The following TBC1D30 variants were observed in gnomAD, a reference collection of about 807,000 sequenced individuals.
The protein encoded by TBC1D30 is TBC1 domain family member 30.
A neutral mutation model predicts 63.2 loss-of-function variants in TBC1D30; 31 were observed. That is an observed-to-expected ratio of 0.49 (90% CI 0.37 to 0.66). The LOEUF (loss-of-function observed/expected upper bound fraction) is 0.66, where lower values mean the gene tolerates loss of function less well. Ranked by LOEUF, TBC1D30 falls within the 30% of genes least tolerant of loss-of-function variation. The pLI, the probability that TBC1D30 is intolerant of heterozygous loss-of-function variation, is 0.00. For missense variants in TBC1D30, 810 were observed against 953.6 expected, an observed-to-expected ratio of 0.85 and a Z score of 1.98; for synonymous variants, 307 against 361.5, an observed-to-expected ratio of 0.85 and a Z score of 1.71.
chr12:64,817,864 AC>A (rs1873641874), intron 2 of TBC1D30, among the ~76,000 whole-genome samples: 1 of 152,162 alleles, frequency 6.6e-6, no homozygotes, highest in Non-Finnish European at 1.5e-5. Context: ...AGAGTTCGAG[AC>A]CAGCCTGGCT....
Position 64,840,057 on chromosome 12 carries a change from A to C in TBC1D30, c.932+1206A>C, listed in dbSNP as rs138013310. Among the ~76,000 whole-genome samples, 913 of 151,320 alleles carry C rather than the reference A, an allele frequency of 6.0e-3. 14 individuals carry two copies. The highest frequency in any genetic ancestry group is 0.021 in the African/African-American group (870 of 40,998). ...ACCAACTATCAATTCAGGGACTTAA[A>C]AAAATTATTATTGTGTGTATTTTTA... On this transcript the variant is annotated intron_variant, in intron 7 of 11. Transcript: ENST00000539867.
At chr12:64,778,549 CTTTTTTTTTTTTTTTTT>C (rs34519163), upstream of TBC1D30, among the ~76,000 whole-genome samples, 2 of 78,828 alleles carry the variant, frequency 2.5e-5, no homozygotes, top group South Asian at 1.1e-3. Flanking sequence ...ACAGAGAAGC[CTTTTTTTTTTTTTTTTT>C]TTTTTTTTAA....
At chr12:64,832,660 C>G (rs1485216292) in intron 5 of TBC1D30, among the ~76,000 whole-genome samples, 1 of 152,228 alleles carries the variant, frequency 6.6e-6, no homozygotes, top group African/African-American at 2.4e-5. Flanking sequence ...CACAGCCTAA[C>G]TGCCTCAAGG....
In TBC1D30 at chr12:64,876,783, T is replaced by C. The variant is rs1230759715; in HGVS notation, c.*995T>C. The C allele has an allele frequency of 4.8e-5, 22 of 456,000 alleles. No homozygotes were observed. The highest frequency in any genetic ancestry group is 8.4e-5 in the Non-Finnish European group (19 of 226,800). The allele number at this position is 456,000 out of a possible 1,614,324, so 28.2% of individuals were successfully genotyped here. A position where few individuals can be genotyped will look rare whatever the true frequency, so the allele number is the denominator to read the frequency against. On this transcript the variant is annotated 3_prime_UTR_variant, in exon 12 of 12. Transcript: ENST00000539867. ...TTGTTAATTGAACACTGCCTTTCTC[T>C]GGAGAAGGCCCCAGTGCTTTCTAGC...
At chr12:64,837,597 G>A (rs777224193) in intron 6 of TBC1D30, among the ~76,000 whole-genome samples, 1 of 152,252 alleles carries the variant, frequency 6.6e-6, no homozygotes, top group South Asian at 2.1e-4. Context: ...ACAATGGGGA[G>A]TGGCTGTAAA....
intron 2 of TBC1D30, among the ~76,000 whole-genome samples, chr12:64,819,406 CTTTTTTTTTT>C (rs55757950): frequency 2.0e-3 from 155 of 78,028 alleles, no homozygotes; most frequent in East Asian, 8.0e-3. Flanking sequence ...GAAGGAACTA[CTTTTTTTTTT>C]TTTTTTTTTT....
intron 2 of TBC1D30, among the ~76,000 whole-genome samples, chr12:64,800,698 C>T (rs957158499): frequency 3.9e-5 from 6 of 151,952 alleles, no homozygotes; most frequent in African/African-American, 1.5e-4. Context: ...AGAGAAGAGC[C>T]AACAAGGAGA....
At position 64,876,427 on chromosome 12, in the gene TBC1D30, G is replaced by A. The variant is rs962349485; in HGVS notation, c.*639G>A. The stretch of plus-strand genomic sequence containing the variant: ...AAATGAAGAAAACCTTTCATCTGTT[G>A]AAATTTCAATCGATAACCCAGCTGA... On this transcript the variant is annotated 3_prime_UTR_variant, in exon 12 of 12. Transcript: ENST00000539867. The A allele has an allele frequency of 6.1e-6, 1 of 162,960 alleles. No individual in the cohort carries two copies. The highest frequency in any genetic ancestry group is 6.0e-5 in the Admixed American group (1 of 16,602). 10.1% of individuals were successfully genotyped at this position (162,960 alleles called of 1,614,324 possible).
intron 5 of TBC1D30, among the ~76,000 whole-genome samples, chr12:64,835,621 C>G (rs1420422482): frequency 2.0e-5 from 3 of 152,120 alleles, no homozygotes; most frequent in African/African-American, 7.2e-5. Context: ...CACGTGGATG[C>G]TCTTCAGAGA....
chr12:64,839,833 G>A (rs943249354), intron 7 of TBC1D30, among the ~76,000 whole-genome samples: 8 of 151,832 alleles, frequency 5.3e-5, no homozygotes, highest in African/African-American at 1.5e-4. Flanking sequence ...GTGAAACCCC[G>A]TCTCTACTAA....
At chr12:64,863,177 C>A (rs907563879) in intron 8 of TBC1D30, among the ~76,000 whole-genome samples, 1 of 152,078 alleles carries the variant, frequency 6.6e-6, no homozygotes, top group Non-Finnish European at 1.5e-5. Flanking sequence ...ATCTACATAT[C>A]CCCCACCCAA....
upstream of TBC1D30, among the ~76,000 whole-genome samples, chr12:64,777,281 T>G (rs532530696): frequency 7.9e-5 from 12 of 152,176 alleles, no homozygotes; most frequent in African/African-American, 2.9e-4. Context: ...GAGAAAGAAA[T>G]AAAGGGCATT....
At chr12:64,853,892 G>T (rs910615632) in intron 8 of TBC1D30, among the ~76,000 whole-genome samples, 2 of 152,142 alleles carry the variant, frequency 1.3e-5, no homozygotes, top group African/African-American at 4.8e-5. Flanking sequence ...CCCACCTTCC[G>T]CATTGATCTT....
intron 2 of TBC1D30, among the ~76,000 whole-genome samples, chr12:64,788,085 C>T (rs1346524939): frequency 5.4e-4 from 82 of 151,782 alleles, no homozygotes; most frequent in Non-Finnish European, 2.9e-4. Context: ...ATATCACTGT[C>T]GTTCATACAA....
At chr12:64,836,701 T>C in intron 6 of TBC1D30, 43 bp downstream of exon 6, 1 of 1,493,966 alleles carries the variant, frequency 6.7e-7, no homozygotes, top group Non-Finnish European at 9.0e-7. Flanking sequence ...ATTTGTCTTC[T>C]CTGATTCCAC....
chr12:64,872,167 AC>A (rs1878704548), intron 11 of TBC1D30, among the ~76,000 whole-genome samples: 1 of 152,108 alleles, frequency 6.6e-6, no homozygotes, highest in Non-Finnish European at 1.5e-5. Context: ...AGCTGGGATT[AC>A]AGGCATGCAC....
chr12:64,776,393 C>A, upstream of TBC1D30, among the ~76,000 whole-genome samples: 1 of 151,872 alleles, frequency 6.6e-6, no homozygotes, highest in South Asian at 2.1e-4. Context: ...AGAGAAGATT[C>A]AAATAAACAC....
At chr12:64,793,835 C>T (rs1872088831) in intron 2 of TBC1D30, among the ~76,000 whole-genome samples, 1 of 152,222 alleles carries the variant, frequency 6.6e-6, no homozygotes, top group South Asian at 2.1e-4. Context: ...ACTGGCTGGG[C>T]TCCATCTGCA....
At chr12:64,865,891 A>T (rs977225484) in intron 9 of TBC1D30, among the ~76,000 whole-genome samples, 1 of 152,140 alleles carries the variant, frequency 6.6e-6, no homozygotes, top group Admixed American at 6.5e-5. Flanking sequence ...AAGCATAAGG[A>T]AGCTCTGTGT....
Sources: gnomAD v4.1 joint callset for allele counts (sites outside exome capture counted in the v4.1 genomes callset) on GRCh38, gnomAD v4.1.1 for gene constraint, MANE v1.5 for transcripts, NCBI Gene and HGNC (gene_info 2026-07-23, HGNC 2026-07-21) for gene names.